The following TMED3 variants were observed in gnomAD, a reference collection of about 807,000 sequenced individuals.
TMED3 encodes the protein transmembrane emp24 domain-containing protein 3.
In TMED3, 9 loss-of-function variants were observed where a neutral mutation model predicts 15.0. The observed-to-expected ratio is 0.60, with a 90% confidence interval of 0.36 to 1.04. The LOEUF (loss-of-function observed/expected upper bound fraction) is 1.04. TMED3 is among the 50% of genes least tolerant of loss of function. The pLI is 0.01. For synonymous variants in TMED3, 117 were observed against 121.4 expected, an observed-to-expected ratio of 0.96 and a Z score of 0.24; for missense variants, 267 against 278.9, an observed-to-expected ratio of 0.96 and a Z score of 0.30.
At chr15:79,337,023 G>A (rs2058829690) in intron 2 of TMED3, among the ~76,000 whole-genome samples, 1 of 152,208 alleles carries the variant, frequency 6.6e-6, no homozygotes, top group African/African-American at 2.4e-5. Flanking sequence ...CTACTACCAA[G>A]CCTGTATGTG....
chr15:79,314,739 G>T, intron 2 of TMED3: 1 of 284,224 alleles, frequency 3.5e-6, no homozygotes, highest in Non-Finnish European at 7.4e-6. Context: ...CTATGGAGGA[G>T]AAACGGTGAC....
At chr15:79,328,879 C>T (rs2058797113) in intron 2 of TMED3, among the ~76,000 whole-genome samples, 1 of 152,146 alleles carries the variant, frequency 6.6e-6, no homozygotes, top group Non-Finnish European at 1.5e-5. Context: ...TCTGTGCCTG[C>T]CTCTCCCATG....
At chr15:79,403,523 GC>G in intron 2 of TMED3, among the ~76,000 whole-genome samples, 1 of 152,144 alleles carries the variant, frequency 6.6e-6, no homozygotes, top group East Asian at 1.9e-4. Flanking sequence ...ACTAAGAGCC[GC>G]CCAGAGTGTC....
intron 2 of TMED3, among the ~76,000 whole-genome samples, chr15:79,375,669 C>T (rs1893411156): frequency 1.3e-5 from 2 of 152,040 alleles, no homozygotes; most frequent in African/African-American, 4.8e-5. Context: ...CCAGATCTTG[C>T]AAGAACTCAC....
chr15:79,408,459 G>A (rs981899070), intron 2 of TMED3, among the ~76,000 whole-genome samples: 2 of 152,226 alleles, frequency 1.3e-5, no homozygotes, highest in Admixed American at 6.5e-5. Context: ...GCATCTGCAA[G>A]GAAGTGATAT....
chr15:79,386,723 A>C (rs971675255), intron 2 of TMED3, among the ~76,000 whole-genome samples: 5 of 62,908 alleles, frequency 7.9e-5, no homozygotes, highest in Non-Finnish European at 1.7e-4. Context: ...TTTTTTTTGT[A>C]TTTTTAGTAG....
At chr15:79,407,649 G>A (rs921787649) in intron 2 of TMED3, among the ~76,000 whole-genome samples, 1 of 152,152 alleles carries the variant, frequency 6.6e-6, no homozygotes, top group Non-Finnish European at 1.5e-5. Flanking sequence ...AAGTTTTATT[G>A]GAACACTTCC....
chr15:79,313,651 A>G, intron 1 of TMED3, 106 bp from the exon 2 acceptor site: 2 of 1,425,292 alleles, frequency 1.4e-6, no homozygotes, highest in Non-Finnish European at 1.9e-6. Flanking sequence ...AAAGTTTTGA[A>G]GATGAAGTGA....
intron 2 of TMED3, among the ~76,000 whole-genome samples, chr15:79,399,576 G>A (rs1220535321): frequency 2.6e-5 from 4 of 152,152 alleles, no homozygotes; most frequent in African/African-American, 9.6e-5. Flanking sequence ...AGCCATGTGT[G>A]GAAGCAACTT....
intron 2 of TMED3, among the ~76,000 whole-genome samples, chr15:79,320,064 T>C (rs8025836): frequency 3.9e-5 from 6 of 152,152 alleles, no homozygotes; most frequent in South Asian, 2.1e-4. Flanking sequence ...GAAAAGGGAG[T>C]CCCCCTTTCC....
Position 79,347,724 on chromosome 15 carries a change from C to T in TMED3, c.417+33719C>T, listed in dbSNP as rs117408667. Among the ~76,000 whole-genome samples, 452 of 152,270 alleles carry T rather than the reference C, an allele frequency of 3.0e-3. 1 individual carries two copies. Among genetic ancestry groups the T allele is most frequent in the Non-Finnish European group, 4.9e-3 (336 of 68,020 alleles). On this transcript the variant is annotated intron_variant, in intron 2 of 2. Transcript: ENST00000424155. ...TCAATGTGCAAAAATTACTAACATT[C>T]TTATACGCCAACAACAGTCAAGCTG...
intron 2 of TMED3, among the ~76,000 whole-genome samples, chr15:79,328,634 C>G (rs2058796301): frequency 6.6e-6 from 1 of 152,160 alleles, no homozygotes; most frequent in African/African-American, 2.4e-5. Context: ...GGATAAGTTA[C>G]AAAGACCCCA....
chr15:79,322,379 T>A lies in TMED3; in HGVS notation c.*165T>A, dbSNP rs960977982. 278 of 1,444,916 alleles carry A rather than the reference T, an allele frequency of 1.9e-4. No individual in the cohort carries two copies. Among genetic ancestry groups the A allele is most frequent in the Non-Finnish European group, 2.3e-4 (255 of 1,103,480 alleles). The allele number at this position is 1,444,916 out of a possible 1,614,324, so 89.5% of individuals were successfully genotyped here. A position where few individuals can be genotyped will look rare whatever the true frequency, so the allele number is the denominator to read the frequency against. ...TGCTTGATTCTTGCACCTCAGCAGC[T>A]GAAGGTCTCAGAGACCAGTAATCAG... is the stretch of plus-strand genomic sequence containing the variant. On this transcript the variant is annotated 3_prime_UTR_variant, in exon 3 of 3. Coordinates refer to ENST00000299705, the MANE Select transcript of TMED3 (RefSeq NM_007364.4).
At chr15:79,405,428 C>G (rs561873133) in intron 2 of TMED3, among the ~76,000 whole-genome samples, 20 of 152,284 alleles carry the variant, frequency 1.3e-4, no homozygotes, top group African/African-American at 4.6e-4. Flanking sequence ...CTCTCTCACT[C>G]GTGTCCTGCT....
chr15:79,341,125 CAG>C (rs978824327), intron 2 of TMED3, among the ~76,000 whole-genome samples: 9 of 123,376 alleles, frequency 7.3e-5, no homozygotes, highest in African/African-American at 2.8e-4. Flanking sequence ...GCCTGGGAGA[CAG>C]GGGCTTCAGT....
At chr15:79,404,634 T>G (rs1323612116) in intron 2 of TMED3, among the ~76,000 whole-genome samples, 2 of 152,236 alleles carry the variant, frequency 1.3e-5, no homozygotes, top group Non-Finnish European at 2.9e-5. Flanking sequence ...CCTTCTGACC[T>G]CTGATCTCCC....
rs192288921 is a variant in TMED3 at position 79,395,472 on chromosome 15, C to T, written c.418-15928C>T. ...TTGGGATTACACGCTTGAGCCACCG[C>T]GCCTGGCCAATGTTTCTGGTTTTTA... is the stretch of plus-strand genomic sequence containing the variant. On this transcript the variant is annotated intron_variant, in intron 2 of 2. Transcript: ENST00000424155. Among the ~76,000 whole-genome samples, 237 of 152,288 alleles carry T rather than the reference C, an allele frequency of 1.6e-3. 2 individuals carry two copies. Among genetic ancestry groups the T allele is most frequent in the Non-Finnish European group, 2.7e-3 (182 of 68,022 alleles).
At chr15:79,347,476 C>T (rs111635116) in intron 2 of TMED3, among the ~76,000 whole-genome samples, 14 of 152,228 alleles carry the variant, frequency 9.2e-5, no homozygotes, top group African/African-American at 2.2e-4. Flanking sequence ...TGGCACAAGA[C>T]GAGGCTGCCC....
chr15:79,324,409 G>C (rs2058780226), downstream of TMED3, among the ~76,000 whole-genome samples: 1 of 152,250 alleles, frequency 6.6e-6, no homozygotes, highest in Non-Finnish European at 1.5e-5. Flanking sequence ...ATTTCAAACA[G>C]AGTAATACAG....
Sources: gnomAD v4.1 joint callset for allele counts (sites outside exome capture counted in the v4.1 genomes callset) on GRCh38, gnomAD v4.1.1 for gene constraint, MANE v1.5 for transcripts, NCBI Gene and HGNC (gene_info 2026-07-23, HGNC 2026-07-21) for gene names.